TAFA5: variants seen among roughly 807,000 people sequenced by gnomAD.
TAFA5 encodes the protein chemokine-like protein TAFA-5.
In TAFA5, 6 loss-of-function variants were observed where a neutral mutation model predicts 15.3. That is an observed-to-expected ratio of 0.39 (90% CI 0.21 to 0.77). The LOEUF (loss-of-function observed/expected upper bound fraction) is 0.77. Among genes scored for constraint, TAFA5 ranks in the 30% least tolerant of loss-of-function variants. The pLI is 0.41. For synonymous variants in TAFA5, 103 were observed against 80.7 expected, an observed-to-expected ratio of 1.28 and a Z score of -1.48; for missense variants, 161 against 193.1, an observed-to-expected ratio of 0.83 and a Z score of 0.98.
intron 2 of TAFA5, among the ~76,000 whole-genome samples, chr22:48,706,078 C>T (rs1168653974): frequency 6.6e-6 from 1 of 152,216 alleles, no homozygotes; most frequent in Non-Finnish European, 1.5e-5. Flanking sequence ...CACTCTTGCC[C>T]TGGGCCTGGG....
chr22:48,635,854 G>A (rs553875985), intron 1 of TAFA5, among the ~76,000 whole-genome samples: 2 of 152,220 alleles, frequency 1.3e-5, no homozygotes, highest in South Asian at 2.1e-4. Flanking sequence ...TGTTGTAATC[G>A]CAGCCATTGT....
chr22:48,593,833 C>G (rs1259464974), intron 1 of TAFA5, among the ~76,000 whole-genome samples: 1 of 152,118 alleles, frequency 6.6e-6, no homozygotes, highest in Non-Finnish European at 1.5e-5. Flanking sequence ...GCCCTCCTGC[C>G]CTGCTGTGGA....
intron 3 of TAFA5, among the ~76,000 whole-genome samples, chr22:48,743,544 G>A (rs1435091255): frequency 1.3e-5 from 2 of 152,236 alleles, no homozygotes; most frequent in Admixed American, 1.3e-4. Flanking sequence ...ACACAGTTCA[G>A]CCTCAACAGA....
At chr22:48,546,032 G>T (rs1922654101) in intron 1 of TAFA5, among the ~76,000 whole-genome samples, 3 of 152,210 alleles carry the variant, frequency 2.0e-5, no homozygotes, top group Non-Finnish European at 4.4e-5. Context: ...CGCTGGGCGG[G>T]AGGAGAGCCA....
At chr22:48,498,992 C>T (rs1194364875) in intron 1 of TAFA5, among the ~76,000 whole-genome samples, 1 of 152,208 alleles carries the variant, frequency 6.6e-6, no homozygotes, top group African/African-American at 2.4e-5. Flanking sequence ...GTCCCCGTCC[C>T]GTGCGTGTCC....
At chr22:48,629,444 C>T (rs28663670) in intron 1 of TAFA5, among the ~76,000 whole-genome samples, 4 of 152,340 alleles carry the variant, frequency 2.6e-5, no homozygotes, top group South Asian at 4.1e-4. Flanking sequence ...CCCCACAGTC[C>T]ACAGCTCCCT....
chr22:48,602,204 C>T lies in TAFA5; in HGVS notation c.113-44393C>T, dbSNP rs1047175092. ...GGCCTCTCCTTGTAGTTTGAATTTG[C>T]GCCTCATCCTCAGAGACAGTGTGCA... On this transcript the variant is annotated intron_variant, in intron 1 of 3. Transcript: ENST00000402357. 3.3e-5 allele frequency among the ~76,000 whole-genome samples: 5 copies of T among 152,214 alleles called. No individual in the cohort carries two copies. In the East Asian group the frequency reaches 5.8e-4, roughly 18 times the overall value.
rs1302715955 is a variant in TAFA5, at chr22:48,751,282, C to T, written c.*1435C>T. The T allele has an allele frequency of 6.6e-6, 1 of 152,454 alleles. No individual in the cohort carries two copies. The highest frequency in any genetic ancestry group is 1.5e-5 in the Non-Finnish European group (1 of 68,054). The allele number at this position is 152,454 out of a possible 1,614,324, so 9.4% of individuals were successfully genotyped here. On this transcript the variant is annotated 3_prime_UTR_variant, in exon 4 of 4. Coordinates refer to ENST00000402357, the MANE Select transcript of TAFA5 (RefSeq NM_001082967.3). ...CCTGTGTCCCCGCGTTCTGAGAAGT[C>T]CTCTGTCTTCGTGTCACTAGGTCCA...
chr22:48,662,804 C>T (rs577038136), intron 2 of TAFA5, among the ~76,000 whole-genome samples: 2 of 152,236 alleles, frequency 1.3e-5, no homozygotes, highest in South Asian at 2.1e-4. Context: ...TGGGCACCCA[C>T]TAGCCCACAG....
intron 1 of TAFA5, among the ~76,000 whole-genome samples, chr22:48,585,108 A>G (rs1330880940): frequency 1.3e-5 from 2 of 149,510 alleles, no homozygotes; most frequent in African/African-American, 2.5e-5. Context: ...CCACGCACAC[A>G]CACACAATAC....
chr22:48,619,625 A>G (rs28567791), intron 1 of TAFA5, among the ~76,000 whole-genome samples: 3 of 151,874 alleles, frequency 2.0e-5, no homozygotes, highest in Non-Finnish European at 4.4e-5. Context: ...AAGTGCTGAG[A>G]TTACAAGTGT....
intron 2 of TAFA5, among the ~76,000 whole-genome samples, chr22:48,706,971 C>A (rs130136): frequency 0.65 from 99,486 of 152,074 alleles, 33,146 homozygotes; most frequent in Non-Finnish European, 0.72. Flanking sequence ...GCAATTCTCT[C>A]TGGCATGGGA....
chr22:48,659,838 A>G (rs956118424), intron 2 of TAFA5, among the ~76,000 whole-genome samples: 1 of 152,254 alleles, frequency 6.6e-6, no homozygotes, highest in Non-Finnish European at 1.5e-5. Flanking sequence ...TTTGATGAAC[A>G]TACAGTCCCC....
chr22:48,588,789 A>T (rs1402104382), intron 1 of TAFA5, among the ~76,000 whole-genome samples: 1 of 152,130 alleles, frequency 6.6e-6, no homozygotes, highest in Admixed American at 6.5e-5. Context: ...CAGAAGACTC[A>T]GGAATCTGTG....
At chr22:48,509,642 C>T (rs1259568459) in intron 1 of TAFA5, among the ~76,000 whole-genome samples, 2 of 152,132 alleles carry the variant, frequency 1.3e-5, no homozygotes, top group Non-Finnish European at 2.9e-5. Flanking sequence ...GAAAACTGGA[C>T]GTCCACATGC....
At chr22:48,734,238 G>A (rs1429211121) in intron 3 of TAFA5, among the ~76,000 whole-genome samples, 5 of 150,738 alleles carry the variant, frequency 3.3e-5, no homozygotes, top group South Asian at 2.1e-4. Flanking sequence ...GACTTCCCGT[G>A]AGAAATGAGA....
chr22:48,709,308 A>G (rs1180643419), intron 3 of TAFA5, among the ~76,000 whole-genome samples: 2 of 152,120 alleles, frequency 1.3e-5, no homozygotes, highest in Admixed American at 6.5e-5. Context: ...TGCAGAAGCA[A>G]ATGATTCCGT....
intron 2 of TAFA5, among the ~76,000 whole-genome samples, chr22:48,661,948 CTGGGGGCTCATTGGGGTGCCCACTTT>C (rs1927456703): frequency 9.0e-6 from 1 of 111,076 alleles, no homozygotes; most frequent in African/African-American, 3.7e-5. Context: ...GAGATGGTGA[CTGGGGGCTCATTGGGGTGCCCACTTT>C]GGGGAGATGG....
At chr22:48,691,218 G>A (rs1201664143) in intron 2 of TAFA5, among the ~76,000 whole-genome samples, 2 of 152,170 alleles carry the variant, frequency 1.3e-5, no homozygotes, top group Non-Finnish European at 2.9e-5. Context: ...GAGGTGCAGG[G>A]GCCACTTCTG....
Sources: gnomAD v4.1 joint callset for allele counts (sites outside exome capture counted in the v4.1 genomes callset) on GRCh38, gnomAD v4.1.1 for gene constraint, MANE v1.5 for transcripts, NCBI Gene and HGNC (gene_info 2026-07-23, HGNC 2026-07-21) for gene names.